The following PCNT variants were observed in gnomAD, a reference collection of about 807,000 sequenced individuals.
The protein encoded by PCNT is pericentrin.
Under a neutral mutation model 380.4 loss-of-function variants are expected in PCNT, and 319 were observed. That is an observed-to-expected ratio of 0.84 (90% CI 0.77 to 0.92). PCNT has a LOEUF of 0.92. Ranked by LOEUF, PCNT falls within the 40% of genes least tolerant of loss-of-function variation. The pLI, the probability that PCNT is intolerant of heterozygous loss-of-function variation, is 0.00. For missense variants in PCNT, 4,400 were observed against 4,255.3 expected, an observed-to-expected ratio of 1.03 and a Z score of -0.95; for synonymous variants, 1,845 against 1,735.2, an observed-to-expected ratio of 1.06 and a Z score of -1.57.
Position 46,438,336 on chromosome 21 carries a change from G to A in PCNT, c.9272G>A (p.Ser3091Asn), listed in dbSNP as rs887795402. The change falls in exon 41 of 47, where the codon AGC becomes AAC. Residue 3091 changes from serine (S) to asparagine (N), a missense_variant and splice_region_variant. Coordinates refer to ENST00000359568, the MANE Select transcript of PCNT (RefSeq NM_006031.6). ...KHHLQKGCSPSRSERSAWKPD... is the reference protein window; with the variant it reads ...KHHLQKGCSPNRSERSAWKPD... ...CATCTGCAGAAGGGCTGCAGCCCAA[G>A]CGTAGGTGTCTGTGCTTAACTCTTA... 2 of 1,613,878 alleles carry A rather than the reference G, an allele frequency of 1.2e-6. No individual in the cohort carries two copies. The highest frequency in any genetic ancestry group is 8.5e-7 in the Non-Finnish European group (1 of 1,179,824).
intron 13 of PCNT, among the ~76,000 whole-genome samples, chr21:46,358,566 A>G (rs2084563003): frequency 2.0e-5 from 3 of 151,588 alleles, no homozygotes; most frequent in Middle Eastern, 7.0e-3. Context: ...CTTCTCTGGC[A>G]CTGTTGGCTG....
intron 5 of PCNT, 79 bp from the exon 6 acceptor site, chr21:46,347,378 C>A: frequency 1.4e-6 from 2 of 1,419,850 alleles, no homozygotes; most frequent in Non-Finnish European, 2.0e-6. Flanking sequence ...GGTGCCAGAG[C>A]CTGGTCGTTT....
At chr21:46,347,394 G>A (rs1294052248) in intron 5 of PCNT, 63 bp from the exon 6 acceptor site, 4 of 1,546,916 alleles carry the variant, frequency 2.6e-6, no homozygotes, top group Admixed American at 1.7e-5. Flanking sequence ...CGTTTCCTGG[G>A]CAGTTGGGTC....
chr21:46,401,844 CTTTTCTTTTTTTT>C, intron 26 of PCNT, 123 bp downstream of exon 26: 1 of 944,612 alleles, frequency 1.1e-6, no homozygotes, highest in South Asian at 1.5e-5. Flanking sequence ...GTATTCTTTT[CTTTTCTTTTTTTT>C]GTTGTTGTTT....
At chr21:46,329,631 G>A (rs1032844009) in intron 2 of PCNT, among the ~76,000 whole-genome samples, 19 of 152,116 alleles carry the variant, frequency 1.2e-4, no homozygotes, top group South Asian at 1.0e-3. Context: ...TCACCTCCTC[G>A]TGACCACAGT....
At chr21:46,373,217 G>T (rs149039758) in intron 15 of PCNT, among the ~76,000 whole-genome samples, 1 of 151,726 alleles carries the variant, frequency 6.6e-6, no homozygotes, top group African/African-American at 2.4e-5. Flanking sequence ...GGGTCTCACT[G>T]TGTTGCCCAG....
At chr21:46,328,796 C>A (rs146427660) in intron 2 of PCNT, among the ~76,000 whole-genome samples, 3 of 142,268 alleles carry the variant, frequency 2.1e-5, no homozygotes, top group African/African-American at 7.9e-5. Flanking sequence ...TTCTTTAAGG[C>A]GAAGTCTCAC....
chr21:46,351,675 G>A (rs144724379), intron 9 of PCNT, 135 bp downstream of exon 9: 6 of 711,170 alleles, frequency 8.4e-6, no homozygotes, highest in Non-Finnish European at 1.6e-5. Context: ...CATCCTGAAG[G>A]TTGAGGTGTC....
At chr21:46,428,078 C>T (rs2087585482) in intron 34 of PCNT, among the ~76,000 whole-genome samples, 3 of 152,226 alleles carry the variant, frequency 2.0e-5, no homozygotes, top group Admixed American at 6.5e-5. Flanking sequence ...CAAGTAGCCC[C>T]TCCTAGGTTG....
At chr21:46,430,726 C>T (rs930087179) in intron 37 of PCNT, 69 bp downstream of exon 37, 11 of 1,541,744 alleles carry the variant, frequency 7.1e-6, no homozygotes, top group Non-Finnish European at 7.9e-6. Context: ...CCATGCTCCT[C>T]TTTCATCCTT....
intron 2 of PCNT, among the ~76,000 whole-genome samples, chr21:46,327,165 A>G (rs888070465): frequency 2.6e-5 from 4 of 151,446 alleles, no homozygotes; most frequent in Non-Finnish European, 4.4e-5. Context: ...GGTTCATGCC[A>G]TTCTCCTGCC....
At position 46,435,892 on chromosome 21, in the gene PCNT, T is replaced by C; in HGVS notation, c.8752-12T>C. The C allele has an allele frequency of 6.2e-7, 1 of 1,614,088 alleles. No individual in the cohort carries two copies. The highest frequency in any genetic ancestry group is 1.6e-4 in the Middle Eastern group (1 of 6,062). On this transcript the variant is annotated splice_polypyrimidine_tract_variant and intron_variant, in intron 38 of 46. Coordinates refer to ENST00000359568, the MANE Select transcript of PCNT (RefSeq NM_006031.6). ...GTGAACGTCTTCTCTGTCTTTTTTC[T>C]GTTAACAACAGCGAGAATTAGAACT... is the stretch of plus-strand genomic sequence containing the variant.
chr21:46,364,299 A>G lies in PCNT; in HGVS notation c.2609+365A>G, dbSNP rs564880483. On this transcript the variant is annotated intron_variant, in intron 14 of 46. Transcript: ENST00000359568. Reference sequence around the variant, plus strand: ...GAAGCCCCCAGGCTGCAATGGGGACAGCTTTGTGCTTGGATGGGCAGGCTG... The same window carrying G: ...GAAGCCCCCAGGCTGCAATGGGGACGGCTTTGTGCTTGGATGGGCAGGCTG... Among the ~76,000 whole-genome samples, 7 of 151,854 alleles carry G rather than the reference A, an allele frequency of 4.6e-5. 1 individual carries two copies. The East Asian group carries it at 1.4e-3, about 30-fold the overall frequency.
Position 46,357,083 on chromosome 21 carries a change from G to C in PCNT, c.2046G>C (p.Ser682=), listed in dbSNP as rs201569145. 3.7e-6 allele frequency: 6 copies of C among 1,613,912 alleles called. No homozygotes were observed. In the East Asian group the frequency reaches 6.7e-5, roughly 18 times the overall value. ...GLETEHKVQL[S]LLQTELKEEI... ...AAACTGAGCACAAGGTGCAACTTTCGCTTCTTCAGACTGAGCTCAAAGAAG... is the reference window on the plus strand; with the variant it reads ...AAACTGAGCACAAGGTGCAACTTTCCCTTCTTCAGACTGAGCTCAAAGAAG... Residue 682 remains serine, a synonymous_variant, in exon 13 of 47, where the codon TCG becomes TCC. Coordinates refer to ENST00000359568, the MANE Select transcript of PCNT (RefSeq NM_006031.6).
At chr21:46,348,699 T>C (rs1953135675) in intron 6 of PCNT, among the ~76,000 whole-genome samples, 1 of 152,168 alleles carries the variant, frequency 6.6e-6, no homozygotes, top group Non-Finnish European at 1.5e-5. Context: ...ACTGCAGTCT[T>C]GACCTCCTGG....
At chr21:46,386,101 C>T (rs369001384) in intron 17 of PCNT, 118 bp downstream of exon 17, 38 of 1,211,954 alleles carry the variant, frequency 3.1e-5, no homozygotes, top group Middle Eastern at 2.6e-4. Context: ...TGCACGCTGG[C>T]TCCTGGTGGA....
chr21:46,362,738 G>A (rs2084763904), intron 13 of PCNT, among the ~76,000 whole-genome samples: 1 of 151,968 alleles, frequency 6.6e-6, no homozygotes, highest in African/African-American at 2.4e-5. Flanking sequence ...GAGCTCAGGA[G>A]TTCAAGATCA....
At chr21:46,345,137 A>G (rs1022026731) in intron 3 of PCNT, among the ~76,000 whole-genome samples, 1 of 152,146 alleles carries the variant, frequency 6.6e-6, no homozygotes. Context: ...CTTTTTCCTG[A>G]GAGCAGGTTG....
At chr21:46,414,107 T>C (rs1292866058) in intron 29 of PCNT, among the ~76,000 whole-genome samples, 1 of 151,882 alleles carries the variant, frequency 6.6e-6, no homozygotes. Flanking sequence ...TTCTGCAGCC[T>C]CAGCCTCCCG....
Sources: allele counts gnomAD v4.1 joint callset (sites outside exome capture counted in the v4.1 genomes callset), GRCh38; gene constraint gnomAD v4.1.1; transcripts MANE v1.5; gene names NCBI Gene and HGNC (gene_info 2026-07-23, HGNC 2026-07-21).